Variants in NPAS3 observed in about 807,000 individuals in gnomAD.
NPAS3 encodes neuronal PAS domain-containing protein 3.
In NPAS3, 14 loss-of-function variants were observed where a neutral mutation model predicts 73.1. The observed-to-expected ratio is 0.19, with a 90% confidence interval of 0.13 to 0.30. The LOEUF is 0.30. NPAS3 is among the 10% of genes least tolerant of loss of function. NPAS3 has a pLI of 1.00. For synonymous variants in NPAS3, 620 were observed against 541.5 expected (o/e 1.14, Z -2.01); for missense variants, 1,096 against 1,250.0 (o/e 0.88, Z 1.86).
At chr14:33,687,990 G>C (rs2060135969) in intron 6 of NPAS3, among the ~76,000 whole-genome samples, 1 of 152,188 alleles carries the variant, frequency 6.6e-6, no homozygotes, top group African/African-American at 2.4e-5. Context: ...GGTCTTCTCT[G>C]CTTTCTAAAA....
chr14:32,974,496 C>T (rs1330706941), intron 1 of NPAS3, among the ~76,000 whole-genome samples: 1 of 152,188 alleles, frequency 6.6e-6, no homozygotes, highest in South Asian at 2.1e-4. Context: ...GGGCTGCTTT[C>T]CACTGCAGAT....
chr14:33,549,374 G>A (rs2055001248), intron 4 of NPAS3, among the ~76,000 whole-genome samples: 2 of 152,130 alleles, frequency 1.3e-5, no homozygotes, highest in Admixed American at 6.5e-5. Context: ...TGGGACCACA[G>A]GCATGTGGCA....
chr14:33,643,375 T>TGAAA (rs1555427000), intron 5 of NPAS3, among the ~76,000 whole-genome samples: 2 of 94,666 alleles, frequency 2.1e-5, no homozygotes, highest in Non-Finnish European at 4.1e-5. Context: ...AAATAAAAAT[T>TGAAA]AAAAAAAAAA....
chr14:33,305,697 C>T (rs1261113126), intron 3 of NPAS3, among the ~76,000 whole-genome samples: 4 of 152,190 alleles, frequency 2.6e-5, no homozygotes, highest in African/African-American at 9.6e-5. Context: ...ATCATATTTT[C>T]AATTGAATGG....
At chr14:32,951,960 T>C (rs1463039579) in intron 1 of NPAS3, among the ~76,000 whole-genome samples, 2 of 152,092 alleles carry the variant, frequency 1.3e-5, no homozygotes, top group Non-Finnish European at 2.9e-5. Context: ...AGTAAATTAA[T>C]GACTTTTAAA....
At chr14:33,413,031 G>A (rs2047995680) in intron 4 of NPAS3, among the ~76,000 whole-genome samples, 1 of 152,096 alleles carries the variant, frequency 6.6e-6, no homozygotes, top group Non-Finnish European at 1.5e-5. Context: ...TGAAAGCAAA[G>A]GCAGTTCGTA....
intron 2 of NPAS3, among the ~76,000 whole-genome samples, chr14:33,067,250 A>C (rs2041312709): frequency 6.6e-6 from 1 of 152,218 alleles, no homozygotes; most frequent in African/African-American, 2.4e-5. Context: ...CTATTTCTGC[A>C]AAAGAAGAAG....
intron 4 of NPAS3, among the ~76,000 whole-genome samples, chr14:33,419,935 G>A (rs150486603): frequency 5.3e-4 from 80 of 152,072 alleles, no homozygotes; most frequent in African/African-American, 1.8e-3. Context: ...AAGTGTTTGT[G>A]TGGAAAATAT....
At chr14:33,450,273 T>G (rs1814430875) in intron 4 of NPAS3, among the ~76,000 whole-genome samples, 2 of 152,292 alleles carry the variant, frequency 1.3e-5, no homozygotes, top group African/African-American at 4.8e-5. Context: ...CCGCAGTAGG[T>G]GCCGTGTGGT....
intron 3 of NPAS3, among the ~76,000 whole-genome samples, chr14:33,237,306 C>A (rs2048067203): frequency 6.6e-6 from 1 of 152,086 alleles, no homozygotes; most frequent in Admixed American, 6.6e-5. Flanking sequence ...AACAGCATTT[C>A]CTGGAATTTG....
chr14:33,639,317 T>C (rs1323499457), intron 5 of NPAS3, among the ~76,000 whole-genome samples: 1 of 152,036 alleles, frequency 6.6e-6, no homozygotes, highest in Non-Finnish European at 1.5e-5. Context: ...TAGAGACAAA[T>C]TTAAAATAAG....
At chr14:33,518,664 C>T (rs1345202791) in intron 4 of NPAS3, among the ~76,000 whole-genome samples, 2 of 143,074 alleles carry the variant, frequency 1.4e-5, no homozygotes, top group African/African-American at 2.6e-5. Flanking sequence ...TGGAATACAT[C>T]CTCCTTCCTC....
chr14:33,735,163 G>C (rs755562964), intron 6 of NPAS3, 51 bp from the exon 7 acceptor site: 1 of 1,285,976 alleles, frequency 7.8e-7, no homozygotes, highest in Non-Finnish European at 1.1e-6. Context: ...TAGCTGTGAG[G>C]GGCTGTGTCA....
At chr14:33,093,248 A>G (rs1255741322) in intron 2 of NPAS3, among the ~76,000 whole-genome samples, 1 of 152,246 alleles carries the variant, frequency 6.6e-6, no homozygotes, top group Non-Finnish European at 1.5e-5. Flanking sequence ...TCCAGAATCT[A>G]CAAAGAACTC....
intron 4 of NPAS3, among the ~76,000 whole-genome samples, chr14:33,372,712 C>T (rs975107315): frequency 6.6e-6 from 1 of 152,150 alleles, no homozygotes; most frequent in African/African-American, 2.4e-5. Flanking sequence ...GCTGTGAATC[C>T]CAGCCCTAGT....
At chr14:33,466,615 C>T (rs762883639) in intron 4 of NPAS3, among the ~76,000 whole-genome samples, 1 of 152,160 alleles carries the variant, frequency 6.6e-6, no homozygotes, top group Non-Finnish European at 1.5e-5. Context: ...CACAGTGCTA[C>T]AGGCCATACA....
At chr14:33,277,280 A>C (rs574655716) in intron 3 of NPAS3, among the ~76,000 whole-genome samples, 3 of 152,166 alleles carry the variant, frequency 2.0e-5, no homozygotes, top group African/African-American at 7.2e-5. Flanking sequence ...GTTGACAAGC[A>C]AGAAGTCTTT....
At chr14:33,791,924 AC>A (rs2138622435) in intron 9 of NPAS3, among the ~76,000 whole-genome samples, 1 of 152,302 alleles carries the variant, frequency 6.6e-6, no homozygotes, top group Non-Finnish European at 1.5e-5. Context: ...CTCATTCCAG[AC>A]ACAAAGCAGA....
At chr14:33,532,968 T>C (rs542868867) in intron 4 of NPAS3, among the ~76,000 whole-genome samples, 1 of 152,010 alleles carries the variant, frequency 6.6e-6, no homozygotes, top group South Asian at 2.1e-4. Flanking sequence ...AAAGGGAGAG[T>C]TGTTTTCAAA....
Sources: gnomAD v4.1 joint callset for allele counts (sites outside exome capture counted in the v4.1 genomes callset) on GRCh38, gnomAD v4.1.1 for gene constraint, MANE v1.5 for transcripts, NCBI Gene and HGNC (gene_info 2026-07-23, HGNC 2026-07-21) for gene names.